Variants in STRN observed in about 807,000 individuals in gnomAD.
The protein encoded by STRN is protein phosphatase 2 regulatory subunit B'''alpha.
STRN carries 53 observed loss-of-function variants against 96.3 expected under a neutral mutation model. That is an observed-to-expected ratio of 0.55 (90% CI 0.44 to 0.69). The LOEUF (loss-of-function observed/expected upper bound fraction) is 0.69, where lower values mean the gene tolerates loss of function less well. STRN is among the 30% of genes least tolerant of loss of function. The pLI is 0.00. For synonymous variants in STRN, 428 were observed against 355.9 expected (o/e 1.20, Z -2.28); for missense variants, 987 against 963.9 (o/e 1.02, Z -0.32).
Position 36,844,401 on chromosome 2 carries a change from C to A in STRN, c.*5055G>T, listed in dbSNP as rs1426598803. The A allele has an allele frequency of 6.6e-6, 1 of 152,132 alleles. No homozygotes were observed. The highest frequency in any genetic ancestry group is 2.4e-5 in the African/African-American group (1 of 41,414). The allele number at this position is 152,132 out of a possible 1,614,324, so 9.4% of individuals were successfully genotyped here. ...TGAGACATTTTCAGAGAGGAGCTAA[C>A]TAACACCCACCCAGGGGGGAAAAAT... On this transcript the variant is annotated 3_prime_UTR_variant, in exon 18 of 18. Coordinates refer to ENST00000263918, the MANE Select transcript of STRN (RefSeq NM_003162.4).
chr2:36,941,740 G>A lies in STRN; in HGVS notation c.235-16532C>T, dbSNP rs1314278917. 5.8e-5 allele frequency among the ~76,000 whole-genome samples: 8 copies of A among 137,890 alleles called. No individual in the cohort carries two copies. The East Asian group carries it at 1.2e-3, about 20-fold the overall frequency. 90.5% of individuals were successfully genotyped at this position (137,890 alleles called of 152,430 possible). A position where few individuals can be genotyped will look rare whatever the true frequency, so the allele number is the denominator to read the frequency against. On this transcript the variant is annotated intron_variant, in intron 1 of 17. Transcript: ENST00000263918. ...AATTTTTTTTTTTTTTTTTAGTGGA[G>A]ACGGGTTTCACCATGTCAGCCAGGC...
chr2:36,933,309 AG>A (rs1670621152), intron 1 of STRN, among the ~76,000 whole-genome samples: 1 of 152,224 alleles, frequency 6.6e-6, no homozygotes, highest in African/African-American at 2.4e-5. Flanking sequence ...ACCTTATATA[AG>A]AAAATTGGAA....
At chr2:36,933,386 AAAGG>A (rs1448104047) in intron 1 of STRN, among the ~76,000 whole-genome samples, 1 of 152,214 alleles carries the variant, frequency 6.6e-6, no homozygotes, top group African/African-American at 2.4e-5. Flanking sequence ...TACAGACATC[AAAGG>A]ATAACTGTAT....
chr2:36,878,417 C>A (rs2148165234), intron 9 of STRN, among the ~76,000 whole-genome samples: 1 of 152,182 alleles, frequency 6.6e-6, no homozygotes, highest in South Asian at 2.1e-4. Flanking sequence ...AAATATAATT[C>A]ATTAATTTTA....
At chr2:36,875,788 C>G (rs1042067171) in intron 10 of STRN, among the ~76,000 whole-genome samples, 3 of 151,414 alleles carry the variant, frequency 2.0e-5, no homozygotes, top group Non-Finnish European at 4.4e-5. Flanking sequence ...TTATGAGTAG[C>G]TGGGACTACA....
At chr2:36,891,579 G>C (rs531553945) in intron 7 of STRN, among the ~76,000 whole-genome samples, 2 of 152,260 alleles carry the variant, frequency 1.3e-5, no homozygotes, top group African/African-American at 4.8e-5. Flanking sequence ...AAGTAAGGCG[G>C]GGTTGAGTCT....
At chr2:36,933,085 C>T (rs914187351) in intron 1 of STRN, among the ~76,000 whole-genome samples, 2 of 150,702 alleles carry the variant, frequency 1.3e-5, no homozygotes, top group African/African-American at 2.5e-5. Context: ...CACACACACA[C>T]ATATATATGC....
intron 10 of STRN, among the ~76,000 whole-genome samples, chr2:36,875,606 T>C (rs1028956263): frequency 2.0e-5 from 3 of 151,034 alleles, no homozygotes; most frequent in Non-Finnish European, 4.4e-5. Flanking sequence ...TAACAGTGTT[T>C]TAAAAAGACA....
intron 3 of STRN, among the ~76,000 whole-genome samples, chr2:36,912,463 T>A (rs1046809225): frequency 6.6e-6 from 1 of 152,244 alleles, no homozygotes; most frequent in Non-Finnish European, 1.5e-5. Flanking sequence ...TAACCAGTAG[T>A]GGTGAACAGT....
intron 12 of STRN, chr2:36,867,297 G>C (rs1394727346): frequency 2.0e-5 from 3 of 152,054 alleles, no homozygotes; most frequent in East Asian, 3.9e-4. Flanking sequence ...AGACCACCCT[G>C]GCCAACAGTG....
Position 36,861,211 on chromosome 2 carries a change from C to A in STRN, c.1590G>T (p.Gln530His), listed in dbSNP as rs568333616. 2.0e-5 allele frequency: 33 copies of A among 1,614,106 alleles called. 2 individuals are homozygous for A. The South Asian group carries it at 3.3e-4, about 16-fold the overall frequency. Reference sequence around the variant, plus strand: ...GTCCATCAGTACCACCACTGTAACACTGCTCACCATTGCTGCTCATTACCA... The same window carrying A: ...GTCCATCAGTACCACCACTGTAACAATGCTCACCATTGCTGCTCATTACCA... ...LCVVMSSNGE[Q>H]CYSGGTDGLI... Residue 530 changes from glutamine (Q) to histidine (H), a missense_variant, in exon 13 of 18, where the codon CAG (glutamine) becomes CAT (histidine). Physicochemically the swap from Gln to His is conservative, Grantham distance 24. Transcript: ENST00000263918.
intron 1 of STRN, among the ~76,000 whole-genome samples, chr2:36,937,280 G>A (rs955905135): frequency 2.6e-5 from 4 of 151,214 alleles, no homozygotes; most frequent in African/African-American, 9.7e-5. Context: ...GGAGGTGGAG[G>A]TTGCGGTGAG....
At chr2:36,882,726 G>A (rs553344115) in intron 9 of STRN, among the ~76,000 whole-genome samples, 4 of 152,148 alleles carry the variant, frequency 2.6e-5, no homozygotes, top group East Asian at 3.9e-4. Flanking sequence ...CTGTGATTGC[G>A]CCACTGCACT....
At chr2:36,876,949 C>T (rs985769049) in intron 10 of STRN, among the ~76,000 whole-genome samples, 5 of 151,988 alleles carry the variant, frequency 3.3e-5, no homozygotes, top group African/African-American at 1.2e-4. Context: ...GGGTTTTCAC[C>T]GTGTGAGCCA....
At chr2:36,907,142 G>A (rs7562109) in intron 3 of STRN, among the ~76,000 whole-genome samples, 10,492 of 152,214 alleles carry the variant, frequency 0.069, 525 homozygotes, top group African/African-American at 0.13. Flanking sequence ...CAAAAAAAGT[G>A]CATACTTTCC....
intron 1 of STRN, among the ~76,000 whole-genome samples, chr2:36,937,717 GAAAGA>G (rs918731354): frequency 1.2e-3 from 186 of 151,472 alleles, no homozygotes; most frequent in African/African-American, 4.3e-3. Context: ...AAGGAAATAA[GAAAGA>G]AAAGAAATTT....
chr2:36,927,838 T>C (rs143354126), intron 1 of STRN, among the ~76,000 whole-genome samples: 10,842 of 152,260 alleles, frequency 0.071, 589 homozygotes, highest in Non-Finnish European at 0.1. Context: ...AGTTTGTAAA[T>C]GCATATACCC....
At chr2:36,946,664 C>A (rs1670993533) in intron 1 of STRN, among the ~76,000 whole-genome samples, 2 of 152,088 alleles carry the variant, frequency 1.3e-5, no homozygotes, top group Admixed American at 1.3e-4. Flanking sequence ...GGCTAGGGTA[C>A]TTTCTACTTC....
chr2:36,958,675 G>T (rs1338924589), intron 1 of STRN, among the ~76,000 whole-genome samples: 1 of 152,118 alleles, frequency 6.6e-6, no homozygotes, highest in East Asian at 1.9e-4. Context: ...TAATGGAGAA[G>T]CCCTAAGATC....
Sources: gnomAD v4.1 joint callset for allele counts (sites outside exome capture counted in the v4.1 genomes callset) on GRCh38, gnomAD v4.1.1 for gene constraint, MANE v1.5 for transcripts, NCBI Gene and HGNC (gene_info 2026-07-23, HGNC 2026-07-21) for gene names.